BBX: variants seen among roughly 807,000 people sequenced by gnomAD.
The protein encoded by BBX is BBX high mobility group box domain containing.
A neutral mutation model predicts 100.2 loss-of-function variants in BBX; 30 were observed. That is an observed-to-expected ratio of 0.30 (90% CI 0.22 to 0.41). BBX has a LOEUF of 0.41. BBX is among the 10% of genes least tolerant of loss of function. The pLI is 1.00. For synonymous variants in BBX, 376 were observed against 388.1 expected, an observed-to-expected ratio of 0.97 and a Z score of 0.37; for missense variants, 1,023 against 1,129.8, an observed-to-expected ratio of 0.91 and a Z score of 1.35.
chr3:107,743,475 A>G (rs1231691957), intron 7 of BBX, among the ~76,000 whole-genome samples: 1 of 152,244 alleles, frequency 6.6e-6, no homozygotes, highest in Non-Finnish European at 1.5e-5. Flanking sequence ...CAAATTAATA[A>G]AAGCTTCTGC....
chr3:107,579,377 A>T (rs2052080836), intron 2 of BBX, among the ~76,000 whole-genome samples: 1 of 152,168 alleles, frequency 6.6e-6, no homozygotes, highest in African/African-American at 2.4e-5. Context: ...CTGAGACTAT[A>T]GGCAACCCAC....
At chr3:107,628,626 A>G (rs2056357139) in intron 2 of BBX, among the ~76,000 whole-genome samples, 1 of 152,138 alleles carries the variant, frequency 6.6e-6, no homozygotes, top group African/African-American at 2.4e-5. Context: ...TTAGTGACAT[A>G]ATATTAAAAT....
chr3:107,582,646 G>C (rs2052370915), intron 2 of BBX, among the ~76,000 whole-genome samples: 1 of 151,962 alleles, frequency 6.6e-6, no homozygotes, highest in South Asian at 2.1e-4. Flanking sequence ...AAATCTGTTG[G>C]CATATAAGAA....
chr3:107,770,730 G>T (rs1286682081), intron 10 of BBX, among the ~76,000 whole-genome samples: 1 of 152,136 alleles, frequency 6.6e-6, no homozygotes, highest in Non-Finnish European at 1.5e-5. Context: ...CCCTGTGAAT[G>T]ATCCGAAGGG....
chr3:107,769,091 C>A lies in BBX; in HGVS notation c.907-3537C>A, dbSNP rs145597032. ...GCTGAAATGTGAGGATCACTTGAAC[C>A]CTGGAGGTCGAGGCTGCCATGAGCT... is the stretch of plus-strand genomic sequence containing the variant. On this transcript the variant is annotated intron_variant, in intron 10 of 17. Transcript: ENST00000325805. Among the ~76,000 whole-genome samples, 803 of 151,304 alleles carry A rather than the reference C, an allele frequency of 5.3e-3. 4 individuals are homozygous for A. The highest frequency in any genetic ancestry group is 8.4e-3 in the Non-Finnish European group (571 of 67,796).
chr3:107,693,914 A>G (rs1559982876), intron 3 of BBX, among the ~76,000 whole-genome samples: 1 of 151,042 alleles, frequency 6.6e-6, no homozygotes, highest in Admixed American at 6.6e-5. Context: ...GGTCCTTCAC[A>G]TCCCTTGTAA....
At chr3:107,722,078 C>G (rs1173252851) in intron 5 of BBX, among the ~76,000 whole-genome samples, 2 of 151,894 alleles carry the variant, frequency 1.3e-5, no homozygotes. Context: ...ATCATTTGCC[C>G]AATTTGGCCA....
Position 107,791,260 on chromosome 3 carries a change from A to G in BBX, c.2314A>G (p.Asn772Asp), listed in dbSNP as rs748153800. The G allele has an allele frequency of 2.5e-6, 4 of 1,613,370 alleles. No homozygotes were observed. The highest frequency in any genetic ancestry group is 4.5e-5 in the East Asian group (2 of 44,822). Residue 772 changes from asparagine (N) to aspartate (D), a missense_variant, in exon 15 of 18, where the codon AAC becomes GAC. Physicochemically the swap from Asn to Asp is conservative, Grantham distance 23. Coordinates refer to ENST00000325805, the MANE Select transcript of BBX (RefSeq NM_001142568.3). The part of the protein sequence containing the change: ...PEKGSGDKWS[N>D]KQLFLDAIHP... ...TTTAGGAAGTGGGGATAAATGGTCA[A>G]ACAAGCAACTCTTCTTGGATGCCAT... is the stretch of plus-strand genomic sequence containing the variant.
chr3:107,734,755 T>C (rs1175909126), intron 7 of BBX, among the ~76,000 whole-genome samples: 2 of 152,174 alleles, frequency 1.3e-5, no homozygotes, highest in African/African-American at 4.8e-5. Context: ...GCATGGTTTC[T>C]TTTTCCCCTT....
intron 3 of BBX, among the ~76,000 whole-genome samples, chr3:107,673,613 G>A (rs923991384): frequency 5.9e-5 from 9 of 152,136 alleles, no homozygotes; most frequent in African/African-American, 1.9e-4. Context: ...CTGATTAAAA[G>A]TATGCCTCCT....
intron 7 of BBX, among the ~76,000 whole-genome samples, chr3:107,741,811 T>G (rs1297326830): frequency 6.6e-6 from 1 of 152,214 alleles, no homozygotes; most frequent in Non-Finnish European, 1.5e-5. Context: ...ATAATGACAT[T>G]ACTCAAATGG....
chr3:107,752,506 G>T (rs184288331), intron 9 of BBX, among the ~76,000 whole-genome samples: 12 of 151,990 alleles, frequency 7.9e-5, no homozygotes, highest in Admixed American at 7.9e-4. Context: ...TTACAATACC[G>T]TCATAATTGC....
In BBX at chr3:107,646,199, T is replaced by C. The variant is rs572630515; in HGVS notation, c.-10+290T>C. ...ATTGGTGAAAGTCAGTTTTCTAAAGTCCTAGATACTAAGAGGTTATATACC... is the reference window on the plus strand; with the variant it reads ...ATTGGTGAAAGTCAGTTTTCTAAAGCCCTAGATACTAAGAGGTTATATACC... On this transcript the variant is annotated intron_variant, in intron 3 of 17. Transcript: ENST00000325805. 2.0e-5 allele frequency: 3 copies of C among 152,294 alleles called. No individual in the cohort carries two copies. In the South Asian group the frequency reaches 6.2e-4, roughly 32 times the overall value. The allele number at this position is 152,294 out of a possible 1,614,324, so 9.4% of individuals were successfully genotyped here.
intron 16 of BBX, among the ~76,000 whole-genome samples, chr3:107,800,724 T>C (rs1445207133): frequency 6.6e-6 from 1 of 152,206 alleles, no homozygotes; most frequent in Non-Finnish European, 1.5e-5. Flanking sequence ...GCTTAGTCAG[T>C]TGGGTTTTTA....
chr3:107,673,954 G>A (rs1198700338), intron 3 of BBX, among the ~76,000 whole-genome samples: 1 of 152,068 alleles, frequency 6.6e-6, no homozygotes, highest in East Asian at 1.9e-4. Context: ...ATTTATGTTG[G>A]TGGACAGATG....
intron 2 of BBX, among the ~76,000 whole-genome samples, chr3:107,615,994 C>A (rs934952055): frequency 1.6e-5 from 2 of 122,910 alleles, no homozygotes; most frequent in South Asian, 5.3e-4. Context: ...GAAGCACACG[C>A]TACTCACCTG....
intron 10 of BBX, among the ~76,000 whole-genome samples, chr3:107,770,979 T>C (rs1036804038): frequency 2.0e-5 from 3 of 152,234 alleles, no homozygotes; most frequent in East Asian, 1.9e-4. Flanking sequence ...TGCCATTTAA[T>C]AAAATGATGG....
intron 2 of BBX, among the ~76,000 whole-genome samples, chr3:107,550,700 G>C (rs1427443430): frequency 6.6e-6 from 1 of 152,146 alleles, no homozygotes; most frequent in Non-Finnish European, 1.5e-5. Flanking sequence ...ATAGTTGCCA[G>C]GCCAACCATG....
intron 3 of BBX, among the ~76,000 whole-genome samples, chr3:107,701,732 C>T (rs776419722): frequency 6.0e-5 from 9 of 151,058 alleles, no homozygotes; most frequent in Non-Finnish European, 1.3e-4. Context: ...ACCCATTTGA[C>T]GAATGGATAC....
Sources: allele counts gnomAD v4.1 joint callset (sites outside exome capture counted in the v4.1 genomes callset), GRCh38; gene constraint gnomAD v4.1.1; transcripts MANE v1.5; gene names NCBI Gene and HGNC (gene_info 2026-07-23, HGNC 2026-07-21).